The following PPP1R12A variants were observed in gnomAD, a reference collection of about 807,000 sequenced individuals.
PPP1R12A encodes the protein protein phosphatase 1 regulatory subunit 12A, also known as myosin binding subunit.
PPP1R12A carries 19 observed loss-of-function variants against 139.6 expected under a neutral mutation model. That is an observed-to-expected ratio of 0.14 (90% CI 0.09 to 0.20). PPP1R12A has a LOEUF of 0.20. PPP1R12A is among the 10% of genes least tolerant of loss of function. The pLI, the probability that PPP1R12A is intolerant of heterozygous loss-of-function variation, is 1.00. For synonymous variants in PPP1R12A, 427 were observed against 420.6 expected, an observed-to-expected ratio of 1.02 and a Z score of -0.19; for missense variants, 925 against 1,211.5, an observed-to-expected ratio of 0.76 and a Z score of 3.51.
intron 24 of PPP1R12A, 97 bp from the exon 25 acceptor site, chr12:79,776,112 GATC>G: frequency 2.7e-6 from 2 of 745,230 alleles, no homozygotes; most frequent in South Asian, 4.8e-5. Context: ...CAAAACACAT[GATC>G]AAGCTTTGTC....
intron 1 of PPP1R12A, among the ~76,000 whole-genome samples, chr12:79,891,892 A>AC (rs761088273): frequency 5.9e-5 from 9 of 152,090 alleles, no homozygotes; most frequent in Non-Finnish European, 1.0e-4. Context: ...ACCCTACCCT[A>AC]CCCAAGCCTT....
chr12:79,808,063 A>C, intron 11 of PPP1R12A, among the ~76,000 whole-genome samples: 1 of 151,720 alleles, frequency 6.6e-6, no homozygotes, highest in South Asian at 2.1e-4. Context: ...AAATAAAAAT[A>C]ATTAAATTAA....
chr12:79,796,295 G>A (rs764508841), intron 17 of PPP1R12A, among the ~76,000 whole-genome samples: 2 of 151,998 alleles, frequency 1.3e-5, no homozygotes, highest in Non-Finnish European at 2.9e-5. Flanking sequence ...ATGGTAATGA[G>A]TATCAATATG....
At chr12:79,893,771 C>T (rs1884881399) in intron 1 of PPP1R12A, among the ~76,000 whole-genome samples, 1 of 152,138 alleles carries the variant, frequency 6.6e-6, no homozygotes, top group Non-Finnish European at 1.5e-5. Flanking sequence ...AAATTTTCTA[C>T]AGACTATTAA....
chr12:79,911,436 G>A (rs1174215302), intron 1 of PPP1R12A, among the ~76,000 whole-genome samples: 3 of 152,130 alleles, frequency 2.0e-5, no homozygotes, highest in Non-Finnish European at 2.9e-5. Context: ...AGACACTGGG[G>A]CCTACCTGAG....
In PPP1R12A at chr12:79,872,963, T is replaced by C. The variant is rs770549145; in HGVS notation, c.238-25A>G. 64 of 1,600,878 alleles carry C rather than the reference T, an allele frequency of 4.0e-5. 1 individual carries two copies. The highest frequency in any genetic ancestry group is 3.6e-4 in the Admixed American group (21 of 58,214). On this transcript the variant is annotated intron_variant, in intron 1 of 24. Coordinates refer to ENST00000450142, the MANE Select transcript of PPP1R12A (RefSeq NM_002480.3). ...CCTAAAAACAAAACAGAAAGCAAGA[T>C]TGGAAAAAATACGAATTAACACTCC...
At chr12:79,782,508 ATGAAATCC>A in intron 22 of PPP1R12A, 1 of 445,990 alleles carries the variant, frequency 2.2e-6, no homozygotes, top group Non-Finnish European at 4.5e-6. Context: ...CTCAAAGCTG[ATGAAATCC>A]TGATATATAA....
intron 1 of PPP1R12A, among the ~76,000 whole-genome samples, chr12:79,905,339 G>GCT (rs541801676): frequency 3.8e-5 from 4 of 106,050 alleles, no homozygotes; most frequent in Non-Finnish European, 3.9e-5. Flanking sequence ...TTGTTTTGCC[G>GCT]CCCCCCCCCA....
intron 1 of PPP1R12A, among the ~76,000 whole-genome samples, chr12:79,930,911 G>A (rs989172714): frequency 6.6e-6 from 1 of 152,044 alleles, no homozygotes; most frequent in Admixed American, 6.6e-5. Context: ...ATAGACAAGG[G>A]GAATGAGTAA....
chr12:79,806,995 T>A, intron 12 of PPP1R12A: 1 of 311,194 alleles, frequency 3.2e-6, no homozygotes, highest in African/African-American at 2.2e-5. Flanking sequence ...TATGTAACAA[T>A]CCAAAAAACA....
intron 1 of PPP1R12A, among the ~76,000 whole-genome samples, chr12:79,886,620 AAGAG>A (rs2137402567): frequency 6.6e-6 from 1 of 152,298 alleles, no homozygotes; most frequent in Non-Finnish European, 1.5e-5. Context: ...GTGTCTGACA[AAGAG>A]AGATCACAAT....
At chr12:79,875,641 T>C (rs1883027811) in intron 1 of PPP1R12A, among the ~76,000 whole-genome samples, 1 of 152,250 alleles carries the variant, frequency 6.6e-6, no homozygotes, top group South Asian at 2.1e-4. Flanking sequence ...CTTTGGTTTA[T>C]TGCCAAAAGA....
chr12:79,847,793 T>C (rs979672350), intron 2 of PPP1R12A, among the ~76,000 whole-genome samples: 4 of 152,128 alleles, frequency 2.6e-5, no homozygotes, highest in African/African-American at 4.8e-5. Flanking sequence ...GATGATTATG[T>C]AGGTGCTAAC....
chr12:79,885,322 A>C (rs142342721), intron 1 of PPP1R12A, among the ~76,000 whole-genome samples: 547 of 152,314 alleles, frequency 3.6e-3, no homozygotes, highest in Non-Finnish European at 6.3e-3. Flanking sequence ...CAGCGCATAA[A>C]GTAGTACCTG....
At chr12:79,918,988 C>T (rs896968337) in intron 1 of PPP1R12A, among the ~76,000 whole-genome samples, 4 of 151,706 alleles carry the variant, frequency 2.6e-5, no homozygotes, top group Admixed American at 6.6e-5. Context: ...TGGTGGCATG[C>T]GCCTGTAATC....
chr12:79,881,044 A>G (rs1276054061), intron 1 of PPP1R12A, among the ~76,000 whole-genome samples: 1 of 152,108 alleles, frequency 6.6e-6, no homozygotes, highest in Non-Finnish European at 1.5e-5. Flanking sequence ...TAAATGTTAT[A>G]TATATGCTCT....
chr12:79,799,767 TGGAAGGCTGA>T (rs962941138), intron 14 of PPP1R12A, among the ~76,000 whole-genome samples: 7 of 152,038 alleles, frequency 4.6e-5, no homozygotes, highest in African/African-American at 1.7e-4. Flanking sequence ...TCCAGCACAT[TGGAAGGCTGA>T]AGCAGGCTGA....
At chr12:79,801,134 TC>T (rs1405006479) in intron 14 of PPP1R12A, among the ~76,000 whole-genome samples, 1 of 150,586 alleles carries the variant, frequency 6.6e-6, no homozygotes, top group East Asian at 2.0e-4. Flanking sequence ...TCACCTGAGG[TC>T]AGGAGTTTGA....
chr12:79,916,574 T>G (rs1048865126), intron 1 of PPP1R12A, among the ~76,000 whole-genome samples: 11 of 152,238 alleles, frequency 7.2e-5, no homozygotes, highest in Non-Finnish European at 1.3e-4. Context: ...TTTTTGGTAA[T>G]TATACTTAGC....
Sources: gnomAD v4.1 joint callset for allele counts (sites outside exome capture counted in the v4.1 genomes callset) on GRCh38, gnomAD v4.1.1 for gene constraint, MANE v1.5 for transcripts, NCBI Gene and HGNC (gene_info 2026-07-23, HGNC 2026-07-21) for gene names.